The following DNAH10 variants were observed in gnomAD, a reference collection of about 807,000 sequenced individuals.
The protein encoded by DNAH10 is axonemal beta dynein heavy chain 10.
A neutral mutation model predicts 506.6 loss-of-function variants in DNAH10; 348 were observed. The ratio of observed to expected loss-of-function variants is 0.69; its 90% confidence interval spans 0.63 to 0.75. DNAH10 has a LOEUF of 0.75. DNAH10 is among the 30% of genes least tolerant of loss of function. The pLI is 0.00. For synonymous variants in DNAH10, 2,059 were observed against 2,198.6 expected, an observed-to-expected ratio of 0.94 and a Z score of 1.78; for missense variants, 5,179 against 5,787.1, an observed-to-expected ratio of 0.89 and a Z score of 3.41.
At position 123,903,839 on chromosome 12, in the gene DNAH10, C is replaced by T. The variant is rs773128512; in HGVS notation, c.9815+726C>T. 5.9e-5 allele frequency among the ~76,000 whole-genome samples: 9 copies of T among 152,066 alleles called. No individual in the cohort carries two copies. Among genetic ancestry groups the T allele is most frequent in the Non-Finnish European group, 1.2e-4 (8 of 67,992 alleles). On this transcript the variant is annotated intron_variant, in intron 57 of 78. Coordinates refer to ENST00000673944, the MANE Select transcript of DNAH10 (RefSeq NM_001372106.1). This position sits in a 1 kb window ranked among gnomAD's most constrained non-coding sequence, Gnocchi z 4.6. ...CCTCTGCCCCTGTGCTGCCTGGCCC[C>T]GCACAGACCCCTCGGCGTGGGAGCC...
At chr12:123,900,250 TG>T (rs1953458090) in intron 56 of DNAH10, among the ~76,000 whole-genome samples, 1 of 152,152 alleles carries the variant, frequency 6.6e-6, no homozygotes. Context: ...GCCCCCTAAA[TG>T]TAAAAAACTA....
chr12:123,827,447 G>C (rs924739026), intron 25 of DNAH10, among the ~76,000 whole-genome samples: 11 of 152,220 alleles, frequency 7.2e-5, no homozygotes, highest in African/African-American at 2.7e-4. Context: ...GGCTTGCCCC[G>C]TTTCAAGTGC....
At chr12:123,789,116 CGG>C (rs1957980682) in intron 10 of DNAH10, among the ~76,000 whole-genome samples, 2 of 151,544 alleles carry the variant, frequency 1.3e-5, no homozygotes, top group Non-Finnish European at 2.9e-5. Flanking sequence ...GGCGTGGTGG[CGG>C]GCGCCTGTAA....
chr12:123,924,730 TCATC>T (rs905977799), intron 67 of DNAH10, among the ~76,000 whole-genome samples: 15 of 146,258 alleles, frequency 1.0e-4, no homozygotes, highest in African/African-American at 2.8e-4. Flanking sequence ...ACCCATCTAC[TCATC>T]CATCCATCCA....
Position 123,928,375 on chromosome 12 carries a change from C to A in DNAH10, c.12106-12C>A, listed in dbSNP as rs1408406987. ...TGCCAACCCCTCTCCTCTTCCCTCT[C>A]CCCCGGCGCAGGTGGCCCTGCAGCT... is the stretch of plus-strand genomic sequence containing the variant. On this transcript the variant is annotated splice_polypyrimidine_tract_variant and intron_variant, in intron 69 of 78. Transcript: ENST00000673944. This position sits in a 1 kb window ranked among gnomAD's most constrained non-coding sequence, Gnocchi z 4.9. The A allele has an allele frequency of 6.3e-7, 1 of 1,576,328 alleles. No homozygotes were observed. The highest frequency in any genetic ancestry group is 8.6e-7 in the Non-Finnish European group (1 of 1,161,556).
At chr12:123,858,752 A>G (rs926266571) in intron 37 of DNAH10, among the ~76,000 whole-genome samples, 2 of 152,224 alleles carry the variant, frequency 1.3e-5, no homozygotes, top group Non-Finnish European at 2.9e-5. Context: ...TATTTTGGCC[A>G]TAGAAAGGAA....
chr12:123,890,461 T>C (rs1952932458), intron 52 of DNAH10, among the ~76,000 whole-genome samples: 1 of 151,810 alleles, frequency 6.6e-6, no homozygotes, highest in African/African-American at 2.4e-5. Flanking sequence ...AACACACTTT[T>C]TTTTTTAAGA....
intron 12 of DNAH10, among the ~76,000 whole-genome samples, chr12:123,796,049 T>C (rs929605999): frequency 2.0e-5 from 3 of 152,158 alleles, no homozygotes; most frequent in African/African-American, 7.2e-5. Context: ...GGTCTGCCAC[T>C]GTGGTCATGT....
At position 123,893,284 on chromosome 12, in the gene DNAH10, A is replaced by G. The variant is rs1426558161; in HGVS notation, c.9047A>G (p.Gln3016Arg). The G allele has an allele frequency of 1.9e-6, 3 of 1,613,950 alleles. No individual in the cohort carries two copies. The highest frequency in any genetic ancestry group is 2.7e-5 in the African/African-American group (2 of 74,944). The change falls in exon 53 of 79, where the codon CAG (glutamine) becomes CGG (arginine). Residue 3016 changes from glutamine to arginine, a missense_variant. Around this residue, in one of 3 missense-constraint regions of DNAH10, gnomAD observed 4,844 missense variants for 5,430.5 expected, o/e 0.89. Transcript: ENST00000673944. ...GAGGAGAAAGAGTCTATCCTGAGTC[A>G]GATTGGACAGGAAGCTCTGAAGCAA... ...SEEEKESILS[Q>R]IGQEALKQGM...
chr12:123,767,532 A>G (rs1248901433), intron 1 of DNAH10, 74 bp from the exon 2 acceptor site: 6 of 1,442,668 alleles, frequency 4.2e-6, no homozygotes, highest in Non-Finnish European at 1.9e-6. Context: ...CTCCACAGAA[A>G]GCAAAGATAT....
At chr12:123,767,774 ATCAGTTGTACTT>A (rs1189583118) in intron 2 of DNAH10, 85 bp downstream of exon 2, 6 of 1,163,356 alleles carry the variant, frequency 5.2e-6, no homozygotes, top group Admixed American at 2.0e-5. Context: ...CCGTGCCACA[ATCAGTTGTACTT>A]TCACTGGGTA....
At chr12:123,808,743 T>G in intron 18 of DNAH10, 54 bp from the exon 19 acceptor site, 4 of 1,585,694 alleles carry the variant, frequency 2.5e-6, no homozygotes, top group Non-Finnish European at 2.6e-6. Flanking sequence ...AATTGCTTGG[T>G]GTATTTCACT....
intron 16 of DNAH10, among the ~76,000 whole-genome samples, chr12:123,803,110 T>C (rs971092722): frequency 6.6e-6 from 1 of 152,210 alleles, no homozygotes; most frequent in East Asian, 1.9e-4. Context: ...TTTCCTTTAA[T>C]GGGTTCTACT....
rs148587898 is a variant in DNAH10, at chr12:123,855,120, C to T, written c.6438+1768C>T. 1.1e-3 allele frequency among the ~76,000 whole-genome samples: 164 copies of T among 152,254 alleles called. 2 individuals carry two copies. Among genetic ancestry groups the T allele is most frequent in the African/African-American group, 3.6e-3 (148 of 41,554 alleles). The stretch of plus-strand genomic sequence containing the variant: ...GGAGAAGGCGGGGAACTGCAATCCC[C>T]GGGGCTCCTGTGTTGAGTCTGGGAG... On this transcript the variant is annotated intron_variant, in intron 36 of 78. Transcript: ENST00000673944.
At chr12:123,867,773 C>T (rs1951869561) in intron 42 of DNAH10, 130 bp from the exon 43 acceptor site, 3 of 1,317,378 alleles carry the variant, frequency 2.3e-6, no homozygotes, top group African/African-American at 1.5e-5. Context: ...TGGGTTCCAT[C>T]TGTCTGAACC....
intron 57 of DNAH10, among the ~76,000 whole-genome samples, chr12:123,908,854 G>GTGGTGA (rs900694602): frequency 6.6e-6 from 1 of 152,204 alleles, no homozygotes; most frequent in South Asian, 2.1e-4. Context: ...ATAATGGTTG[G>GTGGTGA]TGGTGATGGT....
chr12:123,783,151 G>T lies in DNAH10; in HGVS notation c.886G>T (p.Val296Leu), dbSNP rs769887902. 1 of 1,614,190 alleles carries T rather than the reference G, an allele frequency of 6.2e-7. No homozygotes were observed. The highest frequency in any genetic ancestry group is 2.2e-5 in the East Asian group (1 of 44,886). ...EMPIISVEGE[V>L]SDLAADPETV... ...GCCAATCATCAGTGTGGAGGGAGAG[G>T]TGTCTGACCTGGCAGCTGACCCGGA... Residue 296 changes from valine to leucine, a missense_variant, in exon 7 of 79, where the codon GTG becomes TTG. Around this residue, in one of 3 missense-constraint regions of DNAH10, gnomAD observed 4,844 missense variants for 5,430.5 expected, o/e 0.89. Transcript: ENST00000673944.
At chr12:123,815,575 G>A (rs113407692) in intron 21 of DNAH10, among the ~76,000 whole-genome samples, 2 of 152,156 alleles carry the variant, frequency 1.3e-5, no homozygotes, top group East Asian at 1.9e-4. Context: ...GGGGAAATCC[G>A]TGTCTTGTTC....
intron 51 of DNAH10, among the ~76,000 whole-genome samples, chr12:123,883,928 C>G (rs1475391421): frequency 6.6e-6 from 1 of 152,074 alleles, no homozygotes. Context: ...GCTCAGCCAC[C>G]CCTCATGTCT....
Sources: gnomAD v4.1 joint callset for allele counts (sites outside exome capture counted in the v4.1 genomes callset) on GRCh38, gnomAD v4.1.1 for gene constraint, gnomAD v4.1.1 regional missense constraint, Gnocchi (gnomAD v3.1) non-coding constraint, MANE v1.5 for transcripts, NCBI Gene and HGNC (gene_info 2026-07-23, HGNC 2026-07-21) for gene names.